TUSC3: variants seen among roughly 807,000 people sequenced by gnomAD.
The protein encoded by TUSC3 is tumor suppressor candidate 3, also known as dolichyl-diphosphooligosaccharide--protein glycosyltransferase subunit TUSC3.
Under a neutral mutation model 44.8 loss-of-function variants are expected in TUSC3, and 45 were observed. That is an observed-to-expected ratio of 1.00 (90% CI 0.79 to 1.29). The LOEUF (loss-of-function observed/expected upper bound fraction) is 1.29, where lower values mean the gene tolerates loss of function less well. Among genes scored for constraint, TUSC3 ranks in the 50% most tolerant of loss-of-function variants. The pLI, the probability that TUSC3 is intolerant of heterozygous loss-of-function variation, is 0.00. For missense variants in TUSC3, 519 were observed against 437.9 expected (o/e 1.19, Z -1.65); for synonymous variants, 212 against 152.9 (o/e 1.39, Z -2.85).
chr8:15,825,329 G>A, the TUSC3 span, among the ~76,000 whole-genome samples: 1 of 152,182 alleles, frequency 6.6e-6, no homozygotes, highest in Non-Finnish European at 1.5e-5. Context: ...CAATCATGGT[G>A]GAAGGCAAAG....
At chr8:15,748,968 C>G (rs1227157870) in intron 9 of TUSC3, 2 of 345,242 alleles carry the variant, frequency 5.8e-6, no homozygotes, top group Non-Finnish European at 1.1e-5. Context: ...TTTTCACCAA[C>G]AAATATATTG....
chr8:15,823,806 C>A, the TUSC3 span, among the ~76,000 whole-genome samples: 6 of 92,034 alleles, frequency 6.5e-5, no homozygotes, highest in South Asian at 2.0e-3. Context: ...AGTGAGTTAA[C>A]GATAACACCT....
intron 1 of TUSC3, among the ~76,000 whole-genome samples, chr8:15,420,912 A>G (rs1027076989): frequency 1.3e-5 from 2 of 151,710 alleles, no homozygotes; most frequent in Non-Finnish European, 2.9e-5. Context: ...TTAATCTTCT[A>G]CTCTTTAACA....
the TUSC3 span, among the ~76,000 whole-genome samples, chr8:15,815,093 G>C: frequency 6.6e-6 from 1 of 152,124 alleles, no homozygotes; most frequent in African/African-American, 2.4e-5. Context: ...TGAGATATAA[G>C]TAATGAGACA....
chr8:15,764,068 A>C (rs1812256890), intron 10 of TUSC3, 135 bp from the exon 11 acceptor site: 1 of 962,774 alleles, frequency 1.0e-6, no homozygotes, highest in Admixed American at 2.5e-5. Flanking sequence ...CTGATGTAAA[A>C]ATTACAATTA....
chr8:15,458,493 C>A (rs963656735), intron 1 of TUSC3, among the ~76,000 whole-genome samples: 1 of 152,140 alleles, frequency 6.6e-6, no homozygotes, highest in African/African-American at 2.4e-5. Flanking sequence ...CCCACCTCGG[C>A]CTCCCAAAGT....
Position 15,757,128 on chromosome 8 carries a change from ATC to A in TUSC3, c.1029-661_1029-660del, listed in dbSNP as rs1025650882. ...CTCCAGCCTGTGCCACAGACTGAGA[ATC>A]TGTCTCTAAAAAAACTCGTTCTTAA... On this transcript the variant is annotated intron_variant, in intron 9 of 10. Coordinates refer to ENST00000503731, the MANE Select transcript of TUSC3 (RefSeq NM_006765.4). Among the ~76,000 whole-genome samples the A allele has an allele frequency of 2.0e-5, 3 of 152,272 alleles. No individual in the cohort carries two copies. The South Asian group carries it at 6.2e-4, about 32-fold the overall frequency.
chr8:15,648,872 A>C (rs978967781), intron 2 of TUSC3, among the ~76,000 whole-genome samples: 1 of 151,872 alleles, frequency 6.6e-6, no homozygotes, highest in Non-Finnish European at 1.5e-5. Flanking sequence ...GGAGTCCATG[A>C]AGAGCCCTTT....
chr8:15,700,216 C>A (rs994591959), intron 6 of TUSC3, among the ~76,000 whole-genome samples: 1 of 152,080 alleles, frequency 6.6e-6, no homozygotes, highest in Non-Finnish European at 1.5e-5. Flanking sequence ...CATGCTTTTC[C>A]ACCAGACAGA....
chr8:15,591,052 G>A (rs1431250189), intron 1 of TUSC3, among the ~76,000 whole-genome samples: 2 of 152,148 alleles, frequency 1.3e-5, no homozygotes, highest in Non-Finnish European at 2.9e-5. Flanking sequence ...GTACTTTTAA[G>A]AAAGTGTGAT....
At chr8:15,766,645 T>C (rs1341007126), downstream of TUSC3, 1 of 152,134 alleles carries the variant, frequency 6.6e-6, no homozygotes, top group Non-Finnish European at 1.5e-5. Flanking sequence ...GTAAGCCCAG[T>C]AGCATTTTGT....
intron 1 of TUSC3, among the ~76,000 whole-genome samples, chr8:15,437,652 A>T (rs749095508): frequency 6.6e-6 from 1 of 152,184 alleles, no homozygotes; most frequent in Non-Finnish European, 1.5e-5. Flanking sequence ...GTATATGTAT[A>T]ACTAAAAGTA....
intron 6 of TUSC3, among the ~76,000 whole-genome samples, chr8:15,723,782 C>G (rs1253100415): frequency 6.6e-6 from 1 of 152,086 alleles, no homozygotes; most frequent in Admixed American, 6.6e-5. Flanking sequence ...CAAAAGTATC[C>G]TTTCCTGGAC....
At chr8:15,459,891 C>T (rs769885577) in intron 1 of TUSC3, among the ~76,000 whole-genome samples, 4 of 151,222 alleles carry the variant, frequency 2.6e-5, no homozygotes, top group Admixed American at 2.6e-4. Context: ...TACATACATA[C>T]ATACATACAT....
At chr8:15,434,539 T>A (rs909044945) in intron 1 of TUSC3, among the ~76,000 whole-genome samples, 12 of 151,714 alleles carry the variant, frequency 7.9e-5, no homozygotes, top group African/African-American at 2.7e-4. Flanking sequence ...CCTTTTTTTT[T>A]TTTTTTTATA....
At chr8:15,705,254 T>C (rs1809569615) in intron 6 of TUSC3, among the ~76,000 whole-genome samples, 1 of 152,012 alleles carries the variant, frequency 6.6e-6, no homozygotes, top group Non-Finnish European at 1.5e-5. Context: ...TCTTGGCTTC[T>C]TATGATGAGT....
chr8:15,589,456 A>T (rs1429598353), intron 1 of TUSC3, among the ~76,000 whole-genome samples: 1 of 152,196 alleles, frequency 6.6e-6, no homozygotes, highest in Non-Finnish European at 1.5e-5. Context: ...AAACATAAAG[A>T]TGGAAGTTTT....
At chr8:15,607,062 G>A (rs1804561522) in intron 1 of TUSC3, among the ~76,000 whole-genome samples, 1 of 152,030 alleles carries the variant, frequency 6.6e-6, no homozygotes, top group Non-Finnish European at 1.5e-5. Context: ...AGTTTCAGTA[G>A]TAAGCTTTTA....
chr8:15,629,346 G>C (rs879876068), intron 2 of TUSC3, among the ~76,000 whole-genome samples: 16 of 152,122 alleles, frequency 1.1e-4, no homozygotes, highest in Non-Finnish European at 1.9e-4. Flanking sequence ...TTGTTATTGA[G>C]CCAGGAGAGC....
Sources: allele counts gnomAD v4.1 joint callset (sites outside exome capture counted in the v4.1 genomes callset), GRCh38; gene constraint gnomAD v4.1.1; transcripts MANE v1.5; gene names NCBI Gene and HGNC (gene_info 2026-07-23, HGNC 2026-07-21).